Variants in MSRB3 observed in about 807,000 individuals in gnomAD.
The protein encoded by MSRB3 is methionine-R-sulfoxide reductase B3.
Under a neutral mutation model 21.0 loss-of-function variants are expected in MSRB3, and 13 were observed. That is an observed-to-expected ratio of 0.62 (90% CI 0.40 to 0.98). The LOEUF is 0.98. Among genes scored for constraint, MSRB3 ranks in the 50% least tolerant of loss-of-function variants. MSRB3 has a pLI of 0.00. For missense variants in MSRB3, 199 were observed against 230.3 expected, an observed-to-expected ratio of 0.86 and a Z score of 0.88; for synonymous variants, 87 against 88.6, an observed-to-expected ratio of 0.98 and a Z score of 0.10.
chr12:65,328,684 T>G, intron 4 of MSRB3, 81 bp downstream of exon 4: 1 of 938,218 alleles, frequency 1.1e-6, no homozygotes, highest in Non-Finnish European at 1.8e-6. Context: ...CTTAGAATCT[T>G]TCCATTGCTG....
At chr12:65,350,547 G>C (rs1477051909) in intron 4 of MSRB3, among the ~76,000 whole-genome samples, 1 of 151,150 alleles carries the variant, frequency 6.6e-6, no homozygotes, top group African/African-American at 2.5e-5. Flanking sequence ...ACCCATCAGT[G>C]TGCTGTATTC....
At chr12:65,325,499 G>T (rs112960706) in intron 2 of MSRB3, among the ~76,000 whole-genome samples, 47 of 152,058 alleles carry the variant, frequency 3.1e-4, no homozygotes, top group African/African-American at 9.6e-4. Context: ...AGAATCAACC[G>T]CTCTATCTTG....
intron 5 of MSRB3, chr12:65,419,464 C>T (rs1592619380): frequency 1.3e-6 from 1 of 745,134 alleles, no homozygotes; most frequent in East Asian, 2.5e-5. Flanking sequence ...AATGACCTTG[C>T]AGAGCCCATA....
intron 1 of MSRB3, among the ~76,000 whole-genome samples, chr12:65,302,993 A>G (rs1873429539): frequency 6.7e-6 from 1 of 149,626 alleles, no homozygotes; most frequent in African/African-American, 2.5e-5. Context: ...TTCTTTTCGG[A>G]TATTATGGTG....
At chr12:65,382,287 G>T (rs772708122) in intron 5 of MSRB3, among the ~76,000 whole-genome samples, 68 of 152,048 alleles carry the variant, frequency 4.5e-4, no homozygotes, top group African/African-American at 1.5e-3. Context: ...CCTATCAGTG[G>T]TTTTTCTACC....
chr12:65,344,451 T>C (rs1430879975), intron 4 of MSRB3, among the ~76,000 whole-genome samples: 1 of 151,810 alleles, frequency 6.6e-6, no homozygotes, highest in Non-Finnish European at 1.5e-5. Flanking sequence ...TAATTGATAG[T>C]TTTAATAGCT....
chr12:65,442,018 T>G (rs923454000), intron 5 of MSRB3, among the ~76,000 whole-genome samples: 3 of 152,088 alleles, frequency 2.0e-5, no homozygotes, highest in Admixed American at 2.0e-4. Flanking sequence ...AAACTGTATT[T>G]TCAAGAATGG....
intron 4 of MSRB3, among the ~76,000 whole-genome samples, chr12:65,329,353 G>T (rs1358223250): frequency 1.3e-5 from 2 of 152,062 alleles, no homozygotes; most frequent in African/African-American, 2.4e-5. Context: ...ACCTTAATTG[G>T]GAGTAAATGT....
At chr12:65,343,146 A>G (rs1451464797) in intron 4 of MSRB3, among the ~76,000 whole-genome samples, 2 of 152,110 alleles carry the variant, frequency 1.3e-5, no homozygotes, top group Non-Finnish European at 2.9e-5. Context: ...ATCTTTTCCC[A>G]ATAATAATTT....
intron 5 of MSRB3, among the ~76,000 whole-genome samples, chr12:65,429,272 C>T (rs923644542): frequency 6.6e-6 from 1 of 152,206 alleles, no homozygotes; most frequent in East Asian, 1.9e-4. Flanking sequence ...GGGAGACGCT[C>T]ATTTAAATAG....
intron 1 of MSRB3, among the ~76,000 whole-genome samples, chr12:65,288,053 T>G (rs921126692): frequency 2.0e-5 from 3 of 151,976 alleles, no homozygotes; most frequent in Non-Finnish European, 4.4e-5. Flanking sequence ...GCCTGTAATC[T>G]CAGCACTTTG....
intron 3 of MSRB3, among the ~76,000 whole-genome samples, chr12:65,328,018 G>A (rs779863568): frequency 7.9e-5 from 12 of 152,184 alleles, no homozygotes; most frequent in Non-Finnish European, 1.8e-4. Flanking sequence ...TAGACTTTTT[G>A]TTGGGCTAGC....
At position 65,409,116 on chromosome 12, in the gene MSRB3, T is replaced by TTATA. The variant is rs377364722; in HGVS notation, c.292+40101_292+40104dup. Among the ~76,000 whole-genome samples, 4 of 150,538 alleles carry TTATA rather than the reference T, an allele frequency of 2.7e-5. 1 individual carries two copies. The highest frequency in any genetic ancestry group is 7.0e-3 in the Middle Eastern group (2 of 284). The stretch of plus-strand genomic sequence containing the variant: ...GCAATCTGTTAATTACAGCAATATA[T>TTATA]TATATATATATATACACAAAATACA... On this transcript the variant is annotated intron_variant, in intron 5 of 6. Coordinates refer to ENST00000308259, the MANE Select transcript of MSRB3 (RefSeq NM_001031679.3).
intron 4 of MSRB3, among the ~76,000 whole-genome samples, chr12:65,329,021 T>G (rs1875236846): frequency 6.6e-6 from 1 of 152,236 alleles, no homozygotes. Flanking sequence ...GATTATACTT[T>G]TGCAATGAAG....
chr12:65,390,709 T>A (rs1879436255), intron 5 of MSRB3, among the ~76,000 whole-genome samples: 1 of 152,136 alleles, frequency 6.6e-6, no homozygotes, highest in Non-Finnish European at 1.5e-5. Flanking sequence ...AAAAAAACCC[T>A]TAACAGCCTA....
At chr12:65,355,669 G>C (rs2136506330) in intron 4 of MSRB3, among the ~76,000 whole-genome samples, 1 of 151,898 alleles carries the variant, frequency 6.6e-6, no homozygotes, top group Non-Finnish European at 1.5e-5. Context: ...GTTAATGGCA[G>C]TCGCATGACT....
chr12:65,328,156 G>C (rs1875175334), intron 3 of MSRB3, among the ~76,000 whole-genome samples: 1 of 151,948 alleles, frequency 6.6e-6, no homozygotes, highest in Non-Finnish European at 1.5e-5. Flanking sequence ...TGAAGTCTTG[G>C]ACCCTTCTGC....
chr12:65,404,282 A>G (rs1283152482), intron 5 of MSRB3, among the ~76,000 whole-genome samples: 2 of 152,200 alleles, frequency 1.3e-5, no homozygotes, highest in Non-Finnish European at 2.9e-5. Flanking sequence ...TGCAATATAC[A>G]TTTACAACTA....
At chr12:65,360,320 T>A (rs1329015746) in intron 4 of MSRB3, among the ~76,000 whole-genome samples, 1 of 152,136 alleles carries the variant, frequency 6.6e-6, no homozygotes, top group Non-Finnish European at 1.5e-5. Flanking sequence ...TGTGAATTTA[T>A]TCTCAGTAGA....
Sources: gnomAD v4.1 joint callset for allele counts (sites outside exome capture counted in the v4.1 genomes callset) on GRCh38, gnomAD v4.1.1 for gene constraint, MANE v1.5 for transcripts, NCBI Gene and HGNC (gene_info 2026-07-23, HGNC 2026-07-21) for gene names.